NOS2: variants seen among roughly 807,000 people sequenced by gnomAD.
The protein encoded by NOS2 is nitric oxide synthase 2, also known as nitric oxide synthase, inducible.
In NOS2, 96 loss-of-function variants were observed where a neutral mutation model predicts 136.0. The ratio of observed to expected loss-of-function variants is 0.71; its 90% confidence interval spans 0.60 to 0.84. The LOEUF is 0.84. Ranked by LOEUF, NOS2 falls within the 40% of genes least tolerant of loss-of-function variation. NOS2 has a pLI of 0.00. For synonymous variants in NOS2, 539 were observed against 587.5 expected (o/e 0.92, Z 1.20); for missense variants, 1,237 against 1,496.9 (o/e 0.83, Z 2.87).
At chr17:27,788,176 A>G (rs1909076876) in intron 4 of NOS2, among the ~76,000 whole-genome samples, 1 of 143,510 alleles carries the variant, frequency 7.0e-6, no homozygotes, top group African/African-American at 2.6e-5. Flanking sequence ...CTGAAATGAG[A>G]CATAGGAAGG....
chr17:27,793,781 C>A (rs994232566), intron 2 of NOS2: 3 of 381,210 alleles, frequency 7.9e-6, no homozygotes, highest in Admixed American at 4.5e-5. Flanking sequence ...GCCCCCGCCC[C>A]GGGGGCGGGG....
intron 2 of NOS2, among the ~76,000 whole-genome samples, chr17:27,792,786 C>G (rs1379351209): frequency 1.7e-5 from 2 of 119,856 alleles, no homozygotes; most frequent in Admixed American, 1.2e-4. Flanking sequence ...CAAGACCAGC[C>G]TGGGCAACAT....
At chr17:27,760,950 C>G (rs1908104906) in intron 23 of NOS2, among the ~76,000 whole-genome samples, 194 bp downstream of exon 23, 1 of 152,186 alleles carries the variant, frequency 6.6e-6, no homozygotes, top group Non-Finnish European at 1.5e-5. Flanking sequence ...GTAAAAGGGC[C>G]AAGCTCACTG....
chr17:27,762,901 C>G lies in NOS2; in HGVS notation c.2697G>C (p.Gln899His), dbSNP rs757906916. 2.5e-6 allele frequency: 4 copies of G among 1,600,720 alleles called. No homozygotes were observed. The highest frequency in any genetic ancestry group is 3.4e-6 in the Non-Finnish European group (4 of 1,174,610). Residue 899 changes from glutamine to histidine, a missense_variant, in exon 22 of 27, where the codon CAG becomes CAC. Gln to His is a conservative substitution (Grantham distance 24). Transcript: ENST00000313735. The stretch of plus-strand genomic sequence containing the variant: ...AGAACCTGGGCTTCAGAATGGGGAG[C>G]TGGGAAAGCAGGAAGCCAGCAGACA... ...LRVSAGFLLS[Q>H]LPILKPRFYS...
At position 27,767,727 on chromosome 17, in the gene NOS2, T is replaced by A. The variant is rs778349947; in HGVS notation, c.2145A>T (p.Ser715=). 6.2e-7 allele frequency: 1 copy of A among 1,613,716 alleles called. No homozygotes were observed. Among genetic ancestry groups the A allele is most frequent in the East Asian group, 2.2e-5 (1 of 44,890 alleles). ...DPHHYRLVQD[S]QPLDLSKALS... Reference sequence around the variant, plus strand: ...TACCTTTGCTGAGGTCCAAAGGCTGTGAGTCCTGCACGAGCCTGTAGTGGT... The same window carrying A: ...TACCTTTGCTGAGGTCCAAAGGCTGAGAGTCCTGCACGAGCCTGTAGTGGT... Residue 715 remains serine (S), a synonymous_variant, in exon 18 of 27, where the codon TCA becomes TCT. Coordinates refer to ENST00000313735, the MANE Select transcript of NOS2 (RefSeq NM_000625.4).
rs886282449 is a variant in NOS2 at position 27,773,225 on chromosome 17, G to C, written c.1495C>G (p.His499Asp). ...YYYQVEAWKT[H>D]VWQDEKRRPK... ...CTCCGCTTCTCGTCCTGCCAGACAT[G>C]GGTTTTCCAGGCCTCTACCTTCAGA... The change falls in exon 13 of 27, where the codon CAT (histidine) becomes GAT (aspartate). Residue 499 changes from histidine to aspartate, a missense_variant. By Grantham distance (81) the His-to-Asp change is moderately conservative. This residue lies in a region of NOS2 where 782 missense variants were observed against 909.9 expected (regional missense o/e 0.86). Transcript: ENST00000313735. The C allele has an allele frequency of 8.1e-6, 13 of 1,613,926 alleles. No individual in the cohort carries two copies. Among genetic ancestry groups the C allele is most frequent in the Non-Finnish European group, 1.0e-5 (12 of 1,179,830 alleles).
At chr17:27,788,978 C>T (rs1442855031) in intron 3 of NOS2, 47 bp from the exon 4 acceptor site, 1 of 1,591,574 alleles carries the variant, frequency 6.3e-7, no homozygotes, top group Non-Finnish European at 8.6e-7. Flanking sequence ...CTCCTAGACC[C>T]CAGGCCCTGC....
intron 2 of NOS2, among the ~76,000 whole-genome samples, chr17:27,798,163 A>G (rs988564684): frequency 1.3e-5 from 2 of 152,068 alleles, no homozygotes; most frequent in East Asian, 3.9e-4. Flanking sequence ...GGTTCCTCAT[A>G]CCACAGGTGA....
chr17:27,761,899 C>T (rs144691789), intron 22 of NOS2, among the ~76,000 whole-genome samples: 183 of 152,320 alleles, frequency 1.2e-3, no homozygotes, highest in South Asian at 2.1e-3. Context: ...TCACAGGACA[C>T]GTCTGCCTCT....
At chr17:27,770,515 A>C (rs4796041) in intron 15 of NOS2, among the ~76,000 whole-genome samples, 99,888 of 152,132 alleles carry the variant, frequency 0.66, 33,101 homozygotes, top group South Asian at 0.82. Context: ...TAAACAAACA[A>C]ACACCAAAAA....
intron 16 of NOS2, 67 bp from the exon 17 acceptor site, chr17:27,769,218 C>A: frequency 1.4e-6 from 2 of 1,475,882 alleles, no homozygotes; most frequent in Non-Finnish European, 1.8e-6. Context: ...GCACCCAGCA[C>A]CAACAGCCTG....
At chr17:27,792,817 A>AC (rs1490244670) in intron 2 of NOS2, among the ~76,000 whole-genome samples, 4 of 146,816 alleles carry the variant, frequency 2.7e-5, no homozygotes, top group Admixed American at 2.1e-4. Context: ...TATCTCTACA[A>AC]AAAAAAAAAA....
chr17:27,756,977 C>T lies in NOS2; in HGVS notation c.*269G>A. The T allele has an allele frequency of 2.4e-6, 1 of 408,800 alleles. No individual in the cohort carries two copies. Among genetic ancestry groups the T allele is most frequent in the African/African-American group, 2.0e-5 (1 of 48,948 alleles). 25.3% of individuals were successfully genotyped at this position (408,800 alleles called of 1,614,324 possible). On this transcript the variant is annotated 3_prime_UTR_variant, in exon 27 of 27. Coordinates refer to ENST00000313735, the MANE Select transcript of NOS2 (RefSeq NM_000625.4). ...GCACTCAGCAGCAAGTTCCATCTTT[C>T]ACCCACTTGCCAGGCCTGGCATTTA...
At chr17:27,793,694 T>C (rs1426029355) in intron 2 of NOS2, 1 of 395,238 alleles carries the variant, frequency 2.5e-6, no homozygotes, top group East Asian at 3.6e-5. Flanking sequence ...CCCTCGCGCA[T>C]GGCCCGGCTC....
intron 14 of NOS2, among the ~76,000 whole-genome samples, chr17:27,771,673 G>A (rs200724531): frequency 1.3e-5 from 2 of 152,242 alleles, no homozygotes; most frequent in East Asian, 1.9e-4. Context: ...GAAGCCGTGC[G>A]ACCCTGGAAA....
intron 5 of NOS2, among the ~76,000 whole-genome samples, chr17:27,786,061 C>A (rs1185005282): frequency 1.3e-5 from 2 of 150,832 alleles, no homozygotes; most frequent in African/African-American, 4.9e-5. Flanking sequence ...CTGTGGCTCA[C>A]TTTGTGTGGT....
rs200879511 is a variant in NOS2, at chr17:27,782,910, C to T, written c.630+34G>A. The T allele has an allele frequency of 4.9e-5, 79 of 1,609,702 alleles. No individual in the cohort carries two copies. The Middle Eastern group carries it at 4.9e-3, about 99-fold the overall frequency. On this transcript the variant is annotated intron_variant, in intron 6 of 26. Transcript: ENST00000313735. Reference sequence around the variant, plus strand: ...CATCTGCTCAGGGCCTGGCCGCCTCCAGCTCTCTCCCGCTCAAGTCTAAGG... The same window carrying T: ...CATCTGCTCAGGGCCTGGCCGCCTCTAGCTCTCTCCCGCTCAAGTCTAAGG...
At chr17:27,773,830 C>T (rs192176749) in intron 12 of NOS2, among the ~76,000 whole-genome samples, 5 of 152,348 alleles carry the variant, frequency 3.3e-5, no homozygotes, top group East Asian at 1.9e-4. Flanking sequence ...CACAACCCCC[C>T]GTCGTGGAGT....
chr17:27,761,200 G>A lies in NOS2; in HGVS notation c.2832C>T (p.Cys944=). Residue 944 remains cysteine, a synonymous_variant, in exon 23 of 27, where the codon TGC becomes TGT. Transcript: ENST00000313735. ...DGQGPLHHGV[C]STWLNSLKPQ... ...GCTTCAGGCTGTTGAGCCATGTGCT[G>A]CAGACGCCGTGGTGCAGGGGACCCT... 6.2e-7 allele frequency: 1 copy of A among 1,609,668 alleles called. No individual in the cohort carries two copies. Among genetic ancestry groups the A allele is most frequent in the Non-Finnish European group, 8.5e-7 (1 of 1,178,880 alleles).
Sources: allele counts gnomAD v4.1 joint callset (sites outside exome capture counted in the v4.1 genomes callset), GRCh38; gene constraint gnomAD v4.1.1; regional missense constraint gnomAD v4.1.1; transcripts MANE v1.5; gene names NCBI Gene and HGNC (gene_info 2026-07-23, HGNC 2026-07-21).